WSCD2: variants seen among roughly 807,000 people sequenced by gnomAD.
WSCD2 encodes the protein sialate:O-sulfotransferase 2.
Under a neutral mutation model 55.7 loss-of-function variants are expected in WSCD2, and 28 were observed. The ratio of observed to expected loss-of-function variants is 0.50; its 90% CI spans 0.37 to 0.69. The LOEUF (loss-of-function observed/expected upper bound fraction) is 0.69. Among genes scored for constraint, WSCD2 ranks in the 30% least tolerant of loss-of-function variants. The pLI, the probability that WSCD2 is intolerant of heterozygous loss-of-function variation, is 0.00. For missense variants in WSCD2, 616 were observed against 762.1 expected (o/e 0.81, Z 2.26); for synonymous variants, 301 against 301.9 (o/e 1.00, Z 0.03).
intron 1 of WSCD2, among the ~76,000 whole-genome samples, chr12:108,186,200 T>C (rs915412593): frequency 6.6e-6 from 1 of 152,176 alleles, no homozygotes; most frequent in Non-Finnish European, 1.5e-5. Flanking sequence ...CCTTTTTAAA[T>C]AGACTTTTAA....
chr12:108,147,077 A>G (rs1245487041), intron 1 of WSCD2, among the ~76,000 whole-genome samples: 1 of 152,206 alleles, frequency 6.6e-6, no homozygotes, highest in Non-Finnish European at 1.5e-5. Flanking sequence ...TCCCACTTTT[A>G]GCACCGAATG....
intron 1 of WSCD2, among the ~76,000 whole-genome samples, chr12:108,164,138 C>CTTTTTTTTTGTTTTTTTT: frequency 1.4e-5 from 1 of 71,706 alleles, no homozygotes; most frequent in African/African-American, 4.9e-5. Flanking sequence ...AATCTTAAAT[C>CTTTTTTTTTGTTTTTTTT]CTTTTTTTTT....
intron 1 of WSCD2, among the ~76,000 whole-genome samples, chr12:108,180,547 G>A (rs1016444002): frequency 6.6e-6 from 1 of 152,206 alleles, no homozygotes; most frequent in East Asian, 1.9e-4. Flanking sequence ...GTCGGGGGAG[G>A]GAGAAGTAAA....
rs78231015 is a variant in WSCD2 at position 108,141,080 on chromosome 12, G to A, written c.-552+11154G>A. Reference sequence around the variant, plus strand: ...ACTTGTTTCTTTATTTTTTAGAGATGGAGTCTGTATCACCCAGGCTGGAAT... The same window carrying A: ...ACTTGTTTCTTTATTTTTTAGAGATAGAGTCTGTATCACCCAGGCTGGAAT... On this transcript the variant is annotated intron_variant, in intron 1 of 8. Transcript: ENST00000547525. 1.5e-3 allele frequency among the ~76,000 whole-genome samples: 231 copies of A among 152,090 alleles called. 1 individual carries two copies. The highest frequency in any genetic ancestry group is 3.4e-3 in the Middle Eastern group (1 of 292).
intron 1 of WSCD2, among the ~76,000 whole-genome samples, chr12:108,170,591 G>A (rs1027524099): frequency 6.6e-6 from 1 of 152,112 alleles, no homozygotes; most frequent in Non-Finnish European, 1.5e-5. Context: ...AGTTGTATGC[G>A]GCTGGGCAAG....
intron 1 of WSCD2, among the ~76,000 whole-genome samples, chr12:108,159,135 A>T (rs897919824): frequency 4.6e-5 from 7 of 152,128 alleles, no homozygotes; most frequent in African/African-American, 1.7e-4. Flanking sequence ...CCACCTCTGG[A>T]GGTTGCCCTG....
Position 108,233,047 on chromosome 12 carries a change from A to AC in WSCD2, c.1144+159dup, listed in dbSNP as rs147800475. ...TTTTGAGACTCACTGCATGCTTGGT[A>AC]CCCCCCCACCTTCCTTTATGCCCCA... On this transcript the variant is annotated intron_variant, in intron 7 of 8. Coordinates refer to ENST00000547525, the MANE Select transcript of WSCD2 (RefSeq NM_014653.4). 7.7e-3 allele frequency: 7,512 copies of AC among 980,056 alleles called. 288 individuals are homozygous for AC. The African/African-American group carries it at 0.093, about 12-fold the overall frequency. The allele number at this position is 980,056 out of a possible 1,614,324, so 60.7% of individuals were successfully genotyped here.
chr12:108,140,273 G>T (rs1358026949), intron 1 of WSCD2, among the ~76,000 whole-genome samples: 1 of 152,168 alleles, frequency 6.6e-6, no homozygotes, highest in African/African-American at 2.4e-5. Flanking sequence ...AAGATTCAAT[G>T]ACCTAAAATG....
chr12:108,180,112 G>A (rs1881522207), intron 1 of WSCD2, among the ~76,000 whole-genome samples: 1 of 151,690 alleles, frequency 6.6e-6, no homozygotes, highest in Admixed American at 6.6e-5. Flanking sequence ...TCAAGGTTCT[G>A]GAAGCCCAAC....
chr12:108,156,907 G>A (rs983051422), intron 1 of WSCD2, among the ~76,000 whole-genome samples: 3 of 152,166 alleles, frequency 2.0e-5, no homozygotes, highest in African/African-American at 4.8e-5. Flanking sequence ...TGCCCACATT[G>A]GTATTTCTGG....
intron 8 of WSCD2, among the ~76,000 whole-genome samples, chr12:108,242,642 T>A (rs1889843809): frequency 6.6e-6 from 1 of 152,208 alleles, no homozygotes; most frequent in Non-Finnish European, 1.5e-5. Context: ...AAGTTCTGAG[T>A]TACGTTTGCA....
chr12:108,244,676 G>A, intron 8 of WSCD2: 2 of 691,456 alleles, frequency 2.9e-6, no homozygotes, highest in South Asian at 3.0e-5. Context: ...GTGGGGAGGA[G>A]CTGGGTCCTG....
intron 4 of WSCD2, among the ~76,000 whole-genome samples, chr12:108,211,935 T>C (rs552759108): frequency 6.6e-6 from 1 of 151,880 alleles, no homozygotes; most frequent in East Asian, 1.9e-4. Context: ...AGTGCTGGAA[T>C]TACAGGCATA....
rs149021178 is a variant in WSCD2, at chr12:108,189,141, T to C, written c.-551-6141T>C. Among the ~76,000 whole-genome samples the C allele has an allele frequency of 6.6e-3, 1,005 of 152,306 alleles. 20 individuals are homozygous for C. Among genetic ancestry groups the C allele is most frequent in the African/African-American group, 0.023 (966 of 41,566 alleles). On this transcript the variant is annotated intron_variant, in intron 1 of 8. Coordinates refer to ENST00000547525, the MANE Select transcript of WSCD2 (RefSeq NM_014653.4). ...TATGATATGAATCAACCATATTGATTCCTATTCTAAGGAATCAACTATTCC... is the reference window on the plus strand; with the variant it reads ...TATGATATGAATCAACCATATTGATCCCTATTCTAAGGAATCAACTATTCC...
At chr12:108,244,337 A>G (rs1889948176) in intron 8 of WSCD2, among the ~76,000 whole-genome samples, 1 of 152,144 alleles carries the variant, frequency 6.6e-6, no homozygotes, top group Non-Finnish European at 1.5e-5. Flanking sequence ...AAGCATTGCC[A>G]TAGGAGGGGG....
At chr12:108,160,048 T>A (rs1455524587) in intron 1 of WSCD2, among the ~76,000 whole-genome samples, 3 of 152,198 alleles carry the variant, frequency 2.0e-5, no homozygotes, top group African/African-American at 7.2e-5. Flanking sequence ...CGTTACAGCT[T>A]CATAGTTAAT....
At chr12:108,181,285 C>T (rs371904045) in intron 1 of WSCD2, among the ~76,000 whole-genome samples, 263 of 152,230 alleles carry the variant, frequency 1.7e-3, no homozygotes, top group African/African-American at 6.0e-3. Flanking sequence ...GGTGTGTGGG[C>T]GGCTGCGTGT....
chr12:108,215,494 G>A (rs866731493), intron 4 of WSCD2, among the ~76,000 whole-genome samples: 3 of 152,254 alleles, frequency 2.0e-5, no homozygotes, highest in Non-Finnish European at 4.4e-5. Flanking sequence ...AATTCACTCC[G>A]AGAAGCACCC....
At chr12:108,174,598 G>A (rs1012073585) in intron 1 of WSCD2, among the ~76,000 whole-genome samples, 1 of 152,132 alleles carries the variant, frequency 6.6e-6, no homozygotes, top group African/African-American at 2.4e-5. Context: ...AAATATCTTT[G>A]AGCTCCTAAT....
Sources: gnomAD v4.1 joint callset for allele counts (sites outside exome capture counted in the v4.1 genomes callset) on GRCh38, gnomAD v4.1.1 for gene constraint, MANE v1.5 for transcripts, NCBI Gene and HGNC (gene_info 2026-07-23, HGNC 2026-07-21) for gene names.